Variants in SRFBP1 observed in about 807,000 individuals in gnomAD.
SRFBP1 encodes the protein serum response factor-binding protein 1.
In SRFBP1, 47 loss-of-function variants were observed where a neutral mutation model predicts 45.5. The ratio of observed to expected loss-of-function variants is 1.03; its 90% confidence interval spans 0.82 to 1.32. SRFBP1 has a LOEUF of 1.32. Ranked by LOEUF, SRFBP1 falls within the 40% of genes most tolerant of loss-of-function variation. The pLI, the probability that SRFBP1 is intolerant of heterozygous loss-of-function variation, is 0.00. For missense variants in SRFBP1, 621 were observed against 484.6 expected (o/e 1.28, Z -2.64); for synonymous variants, 203 against 166.3 (o/e 1.22, Z -1.70).
chr5:122,004,247 G>T (rs930949840), intron 4 of SRFBP1, among the ~76,000 whole-genome samples: 1 of 152,182 alleles, frequency 6.6e-6, no homozygotes, highest in Non-Finnish European at 1.5e-5. Context: ...TCCTCTAGCA[G>T]TTTTACAGTT....
At chr5:121,989,518 G>A (rs1193620429) in intron 3 of SRFBP1, among the ~76,000 whole-genome samples, 1 of 152,140 alleles carries the variant, frequency 6.6e-6, no homozygotes, top group Non-Finnish European at 1.5e-5. Flanking sequence ...CATTAACCAC[G>A]ATTAAGTGTG....
At chr5:122,013,860 T>C (rs1228135233) in intron 4 of SRFBP1, among the ~76,000 whole-genome samples, 1 of 152,122 alleles carries the variant, frequency 6.6e-6, no homozygotes, top group African/African-American at 2.4e-5. Flanking sequence ...ATAGAAATAG[T>C]AGAATGGTCG....
chr5:122,019,756 A>T (rs1459411346), intron 5 of SRFBP1, among the ~76,000 whole-genome samples: 1 of 151,854 alleles, frequency 6.6e-6, no homozygotes, highest in Non-Finnish European at 1.5e-5. Flanking sequence ...CACAGTTTAT[A>T]ATAATGCATT....
At chr5:121,987,066 G>T (rs1752533567) in intron 3 of SRFBP1, among the ~76,000 whole-genome samples, 1 of 152,076 alleles carries the variant, frequency 6.6e-6, no homozygotes, top group South Asian at 2.1e-4. Flanking sequence ...GATATAATGG[G>T]CCTTGGAGTT....
intron 3 of SRFBP1, among the ~76,000 whole-genome samples, chr5:121,991,570 C>A (rs1358054039): frequency 6.6e-6 from 1 of 152,082 alleles, no homozygotes; most frequent in Non-Finnish European, 1.5e-5. Context: ...AATAGTACAT[C>A]AAAAGGAGCC....
At chr5:122,051,646 A>G (rs539763695) in intron 2 of SRFBP1, among the ~76,000 whole-genome samples, 5 of 150,694 alleles carry the variant, frequency 3.3e-5, no homozygotes, top group African/African-American at 9.8e-5. Context: ...GAGCCTGTGG[A>G]TATCATTGCA....
At chr5:121,985,333 G>GT (rs1168239388) in intron 3 of SRFBP1, among the ~76,000 whole-genome samples, 158 of 146,478 alleles carry the variant, frequency 1.1e-3, no homozygotes, top group Middle Eastern at 3.5e-3. Context: ...GTTGGGTTTT[G>GT]TTTTTTTTTT....
chr5:121,989,356 G>A (rs776614794), intron 3 of SRFBP1, among the ~76,000 whole-genome samples: 9 of 152,046 alleles, frequency 5.9e-5, no homozygotes, highest in Non-Finnish European at 1.3e-4. Context: ...GTGAGCCACC[G>A]AGCCCTGCCT....
chr5:122,058,776 A>G (rs1754126241), intron 2 of SRFBP1, among the ~76,000 whole-genome samples: 1 of 152,114 alleles, frequency 6.6e-6, no homozygotes, highest in South Asian at 2.1e-4. Flanking sequence ...TTTTTAGATA[A>G]GCCCCAAAGC....
chr5:122,019,182 T>G lies in SRFBP1; in HGVS notation c.271-78T>G, dbSNP rs1393002652. On this transcript the variant is annotated intron_variant, in intron 4 of 7. Transcript: ENST00000339397. ...CCAACTCTAATTTTAAAGACTATGATAGATTTTATTTTATTCACTTTCAAT... is the reference window on the plus strand; with the variant it reads ...CCAACTCTAATTTTAAAGACTATGAGAGATTTTATTTTATTCACTTTCAAT... The G allele has an allele frequency of 2.1e-5, 25 of 1,213,712 alleles. No individual in the cohort carries two copies. The East Asian group carries it at 5.5e-4, about 27-fold the overall frequency. 75.2% of individuals were successfully genotyped at this position (1,213,712 alleles called of 1,614,324 possible). A position where few individuals can be genotyped will look rare whatever the true frequency, so the allele number is the denominator to read the frequency against.
intron 2 of SRFBP1, among the ~76,000 whole-genome samples, chr5:122,034,040 T>C (rs897256319): frequency 6.6e-6 from 1 of 151,888 alleles, no homozygotes; most frequent in Admixed American, 6.6e-5. Flanking sequence ...GCCAGGCTGG[T>C]CTCGAACTCC....
chr5:122,067,086 CAAG>C (rs1754321876), intron 2 of SRFBP1, among the ~76,000 whole-genome samples: 1 of 152,016 alleles, frequency 6.6e-6, no homozygotes, highest in Non-Finnish European at 1.5e-5. Context: ...GCATGTCCAC[CAAG>C]AAGTAGAGTC....
At chr5:122,017,635 T>A (rs1417028109) in intron 4 of SRFBP1, among the ~76,000 whole-genome samples, 1 of 152,208 alleles carries the variant, frequency 6.6e-6, no homozygotes, top group East Asian at 1.9e-4. Context: ...CAGATGGTCC[T>A]GGCACAGGAT....
intron 2 of SRFBP1, among the ~76,000 whole-genome samples, chr5:122,038,750 A>G (rs1436914208): frequency 1.3e-5 from 2 of 152,246 alleles, no homozygotes; most frequent in Non-Finnish European, 2.9e-5. Flanking sequence ...TGTATGTAAT[A>G]GAATAGACAC....
intron 4 of SRFBP1, among the ~76,000 whole-genome samples, chr5:122,006,843 G>C (rs1380507794): frequency 2.0e-5 from 3 of 151,798 alleles, no homozygotes; most frequent in Non-Finnish European, 4.4e-5. Context: ...AATTCCTTAA[G>C]CTTTCTGAAA....
intron 4 of SRFBP1, among the ~76,000 whole-genome samples, chr5:121,995,270 C>T (rs1752698040): frequency 6.6e-6 from 1 of 151,884 alleles, no homozygotes. Context: ...GGAAGTAAAG[C>T]TCTCCTCAGC....
downstream of SRFBP1, chr5:122,076,200 A>G (rs1169119983): frequency 6.6e-6 from 1 of 152,228 alleles, no homozygotes; most frequent in Non-Finnish European, 1.5e-5. Flanking sequence ...ATGTACAAAT[A>G]AACATCACTG....
intron 4 of SRFBP1, among the ~76,000 whole-genome samples, chr5:122,000,924 G>A (rs150304950): frequency 2.6e-4 from 39 of 152,156 alleles, no homozygotes; most frequent in Non-Finnish European, 2.9e-5. Flanking sequence ...TGAACTGTGT[G>A]TTCCCAGAGG....
chr5:122,062,359 C>G (rs150300413), intron 2 of SRFBP1, among the ~76,000 whole-genome samples: 3 of 151,784 alleles, frequency 2.0e-5, no homozygotes, highest in Non-Finnish European at 4.4e-5. Flanking sequence ...TGTGTTAATC[C>G]TCTACTAATA....
Sources: allele counts gnomAD v4.1 joint callset (sites outside exome capture counted in the v4.1 genomes callset), GRCh38; gene constraint gnomAD v4.1.1; transcripts MANE v1.5; gene names NCBI Gene and HGNC (gene_info 2026-07-23, HGNC 2026-07-21).